DPP10: variants seen among roughly 807,000 people sequenced by gnomAD.
The protein encoded by DPP10 is dipeptidyl peptidase like 10.
DPP10 carries 33 observed loss-of-function variants against 120.9 expected under a neutral mutation model. The ratio of observed to expected loss-of-function variants is 0.27; its 90% CI spans 0.21 to 0.37. The LOEUF (loss-of-function observed/expected upper bound fraction) is 0.37, where lower values mean the gene tolerates loss of function less well. Ranked by LOEUF, DPP10 falls within the 10% of genes least tolerant of loss-of-function variation. The pLI, the probability that DPP10 is intolerant of heterozygous loss-of-function variation, is 1.00. For missense variants in DPP10, 816 were observed against 942.8 expected, an observed-to-expected ratio of 0.87 and a Z score of 1.76; for synonymous variants, 337 against 326.1, an observed-to-expected ratio of 1.03 and a Z score of -0.36.
intron 3 of DPP10, among the ~76,000 whole-genome samples, chr2:115,438,718 A>G (rs1340921980): frequency 1.3e-5 from 2 of 150,486 alleles, no homozygotes; most frequent in African/African-American, 4.9e-5. Context: ...AATGTAGAAT[A>G]GTGGCTAAGA....
chr2:115,807,079 GAT>G (rs1686070306), intron 19 of DPP10, among the ~76,000 whole-genome samples: 1 of 152,176 alleles, frequency 6.6e-6, no homozygotes, highest in African/African-American at 2.4e-5. Context: ...GCTCTGTGAT[GAT>G]ATAGCTATTC....
intron 5 of DPP10, among the ~76,000 whole-genome samples, chr2:115,638,477 A>G (rs1052861666): frequency 2.0e-5 from 3 of 152,314 alleles, no homozygotes; most frequent in African/African-American, 7.2e-5. Context: ...TTCAGGAAAG[A>G]GCAGCTGTTT....
At chr2:114,889,343 A>G (rs1188621046) in intron 1 of DPP10, among the ~76,000 whole-genome samples, 1 of 152,162 alleles carries the variant, frequency 6.6e-6, no homozygotes, top group Non-Finnish European at 1.5e-5. Context: ...TCTGAAAGGT[A>G]ATCTTCAGAT....
intron 3 of DPP10, among the ~76,000 whole-genome samples, chr2:115,444,952 G>A (rs1483530169): frequency 6.6e-6 from 1 of 152,122 alleles, no homozygotes; most frequent in East Asian, 1.9e-4. Flanking sequence ...ATCTCAAAGT[G>A]TAATCCCCGT....
chr2:115,225,622 A>G (rs888553548), intron 1 of DPP10, among the ~76,000 whole-genome samples: 3 of 152,000 alleles, frequency 2.0e-5, no homozygotes. Context: ...AACTATGGGT[A>G]TCAATGAAGT....
At chr2:115,239,204 A>G (rs149430195) in intron 1 of DPP10, among the ~76,000 whole-genome samples, 32 of 152,288 alleles carry the variant, frequency 2.1e-4, no homozygotes, top group African/African-American at 7.0e-4. Context: ...GCATCCTTCA[A>G]TCAAATTAAG....
At chr2:115,159,697 A>G (rs2052161310) in intron 1 of DPP10, among the ~76,000 whole-genome samples, 1 of 152,184 alleles carries the variant, frequency 6.6e-6, no homozygotes, top group Non-Finnish European at 1.5e-5. Flanking sequence ...CTTAAATCAA[A>G]GAAGCATTTT....
intron 1 of DPP10, among the ~76,000 whole-genome samples, chr2:115,024,282 T>C (rs1039877678): frequency 1.3e-5 from 2 of 152,144 alleles, no homozygotes; most frequent in Non-Finnish European, 2.9e-5. Context: ...CTATTTTCAG[T>C]TGAAATTTTT....
chr2:114,677,670 C>T (rs1698757707), intron 1 of DPP10, among the ~76,000 whole-genome samples: 1 of 152,060 alleles, frequency 6.6e-6, no homozygotes, highest in Non-Finnish European at 1.5e-5. Context: ...CAATGTTTGC[C>T]TTTTCAGCGA....
intron 1 of DPP10, among the ~76,000 whole-genome samples, chr2:115,058,027 G>A (rs1277575160): frequency 2.6e-5 from 4 of 152,250 alleles, no homozygotes; most frequent in East Asian, 1.9e-4. Context: ...TTTCTGCTGC[G>A]TTCGCACTGG....
At position 114,569,958 on chromosome 2, in the gene DPP10, T is replaced by G. The variant is rs551458081; in HGVS notation, c.60+127120T>G. Among the ~76,000 whole-genome samples, 3 of 152,260 alleles carry G rather than the reference T, an allele frequency of 2.0e-5. No homozygotes were observed. The South Asian group carries it at 6.2e-4, about 32-fold the overall frequency. ...TTATCTGTCAATCTATCATCTACCATGTAGGAGGCAGGAGGGAGAATGCTA... is the reference window on the plus strand; with the variant it reads ...TTATCTGTCAATCTATCATCTACCAGGTAGGAGGCAGGAGGGAGAATGCTA... On this transcript the variant is annotated intron_variant, in intron 1 of 25. Transcript: ENST00000410059.
intron 1 of DPP10, among the ~76,000 whole-genome samples, chr2:114,694,729 T>A (rs1184449437): frequency 6.6e-6 from 1 of 151,950 alleles, no homozygotes; most frequent in Non-Finnish European, 1.5e-5. Flanking sequence ...CCTAAGCTAA[T>A]TGTTTACATA....
intron 5 of DPP10, among the ~76,000 whole-genome samples, chr2:115,562,950 AG>A (rs1376524681): frequency 6.6e-6 from 1 of 152,200 alleles, no homozygotes; most frequent in Non-Finnish European, 1.5e-5. Flanking sequence ...CGGTCAGGAA[AG>A]TTTGAAGCCA....
chr2:115,685,174 GTAATA>G (rs985106946), intron 5 of DPP10, among the ~76,000 whole-genome samples: 36 of 151,964 alleles, frequency 2.4e-4, no homozygotes, highest in Non-Finnish European at 3.1e-4. Flanking sequence ...TAAATGTTAA[GTAATA>G]TAATATATGT....
chr2:115,804,403 G>C (rs1479665017), intron 19 of DPP10, among the ~76,000 whole-genome samples: 1 of 152,134 alleles, frequency 6.6e-6, no homozygotes, highest in Non-Finnish European at 1.5e-5. Flanking sequence ...GGAGTAGTTT[G>C]ATCTTCTGAA....
chr2:114,992,891 T>A (rs1207398444), intron 1 of DPP10, among the ~76,000 whole-genome samples: 1 of 152,208 alleles, frequency 6.6e-6, no homozygotes, highest in Non-Finnish European at 1.5e-5. Flanking sequence ...ATGCATACGC[T>A]TCCATAAACC....
chr2:115,435,344 A>G (rs184907483), intron 3 of DPP10, among the ~76,000 whole-genome samples: 3 of 151,804 alleles, frequency 2.0e-5, no homozygotes, highest in African/African-American at 7.2e-5. Context: ...CTTTCTCCAC[A>G]TCCTCGTTAC....
chr2:114,883,085 C>T (rs2106609746), intron 1 of DPP10, among the ~76,000 whole-genome samples: 1 of 152,286 alleles, frequency 6.6e-6, no homozygotes, highest in East Asian at 1.9e-4. Context: ...AATACAGAAT[C>T]ACACAATTGC....
chr2:115,364,625 C>CTT (rs34256845), intron 3 of DPP10, among the ~76,000 whole-genome samples: 12 of 136,662 alleles, frequency 8.8e-5, no homozygotes, highest in South Asian at 4.7e-4. Context: ...TCCCAGACAT[C>CTT]TTTTTTTTTT....
Sources: allele counts gnomAD v4.1 joint callset (sites outside exome capture counted in the v4.1 genomes callset), GRCh38; gene constraint gnomAD v4.1.1; transcripts MANE v1.5; gene names NCBI Gene and HGNC (gene_info 2026-07-23, HGNC 2026-07-21).